PAWR: variants seen among roughly 807,000 people sequenced by gnomAD.
PAWR encodes the protein PRKC apoptosis WT1 regulator protein.
PAWR carries 23 observed loss-of-function variants against 32.0 expected under a neutral mutation model. That is an observed-to-expected ratio of 0.72 (90% CI 0.52 to 1.02). The LOEUF (loss-of-function observed/expected upper bound fraction) is 1.02, where lower values mean the gene tolerates loss of function less well. Among genes scored for constraint, PAWR ranks in the 50% least tolerant of loss-of-function variants. The pLI is 0.00. For synonymous variants in PAWR, 226 were observed against 187.1 expected (o/e 1.21, Z -1.70); for missense variants, 457 against 437.7 (o/e 1.04, Z -0.39).
At chr12:79,607,740 A>AT (rs1555234254) in intron 4 of PAWR, among the ~76,000 whole-genome samples, 53 of 145,838 alleles carry the variant, frequency 3.6e-4, no homozygotes, top group African/African-American at 1.3e-3. Flanking sequence ...AAAAAAAAAA[A>AT]AAAAATAATA....
intron 5 of PAWR, among the ~76,000 whole-genome samples, chr12:79,594,725 G>A (rs1298708118): frequency 2.1e-5 from 3 of 146,136 alleles, no homozygotes; most frequent in Admixed American, 6.7e-5. Context: ...GTGTGTGTGT[G>A]TGTATGTATG....
At chr12:79,639,113 A>G (rs1876155033) in intron 2 of PAWR, among the ~76,000 whole-genome samples, 3 of 149,854 alleles carry the variant, frequency 2.0e-5, no homozygotes, top group African/African-American at 7.4e-5. Context: ...GGGTTTCACC[A>G]TGTTGGTCAG....
chr12:79,594,840 C>T (rs1873689406), intron 5 of PAWR, among the ~76,000 whole-genome samples: 1 of 152,046 alleles, frequency 6.6e-6, no homozygotes, highest in Non-Finnish European at 1.5e-5. Flanking sequence ...CCTCAGCCTC[C>T]CAAGTAGCTG....
intron 4 of PAWR, among the ~76,000 whole-genome samples, chr12:79,607,258 T>C (rs1375193048): frequency 6.6e-6 from 1 of 151,974 alleles, no homozygotes; most frequent in Non-Finnish European, 1.5e-5. Flanking sequence ...ACCCCATCTC[T>C]AGCCTGGGTG....
rs1057222614 is a variant in PAWR, at chr12:79,588,662, G to A, written c.*3945C>T. On this transcript the variant is annotated 3_prime_UTR_variant, in exon 7 of 7. Coordinates refer to ENST00000328827, the MANE Select transcript of PAWR (RefSeq NM_002583.4). ...ACTACTAGATGGAAAGTTGGTCCAT[G>A]TCCATTTATTTAAAGATTCTGTAAC... The A allele has an allele frequency of 6.6e-6, 1 of 151,880 alleles. No homozygotes were observed. The highest frequency in any genetic ancestry group is 2.4e-5 in the African/African-American group (1 of 41,402). 9.4% of individuals were successfully genotyped at this position (151,880 alleles called of 1,614,324 possible).
At chr12:79,651,975 C>G (rs1219808237) in intron 2 of PAWR, among the ~76,000 whole-genome samples, 5 of 152,120 alleles carry the variant, frequency 3.3e-5, no homozygotes, top group South Asian at 2.1e-4. Context: ...AGACATTATG[C>G]TAGAGGAAAT....
chr12:79,676,286 C>T (rs1878162219), intron 2 of PAWR, among the ~76,000 whole-genome samples: 1 of 152,044 alleles, frequency 6.6e-6, no homozygotes, highest in African/African-American at 2.4e-5. Flanking sequence ...AATACAAATA[C>T]CTTTCTTCAC....
chr12:79,618,789 T>C (rs1267947047), intron 3 of PAWR, among the ~76,000 whole-genome samples: 1 of 152,008 alleles, frequency 6.6e-6, no homozygotes, highest in Non-Finnish European at 1.5e-5. Context: ...TCCACACAAA[T>C]ATAAACGTCA....
At chr12:79,674,126 G>A (rs1400431054) in intron 2 of PAWR, among the ~76,000 whole-genome samples, 1 of 152,204 alleles carries the variant, frequency 6.6e-6, no homozygotes, top group East Asian at 1.9e-4. Context: ...AACAAAGCTG[G>A]AGGCATCACA....
chr12:79,630,225 C>T (rs1030149239), intron 2 of PAWR, among the ~76,000 whole-genome samples: 16 of 151,676 alleles, frequency 1.1e-4, no homozygotes, highest in African/African-American at 3.9e-4. Flanking sequence ...CAGAAAATCA[C>T]TATTATAAGT....
Position 79,671,636 on chromosome 12 carries a change from C to T in PAWR, c.516+18093G>A, listed in dbSNP as rs116665248. ...TGTTAATTGTTTAGTTTCCTCGATACGAGGGATATAAAGACAAATAGTTCA... is the reference window on the plus strand; with the variant it reads ...TGTTAATTGTTTAGTTTCCTCGATATGAGGGATATAAAGACAAATAGTTCA... On this transcript the variant is annotated intron_variant, in intron 2 of 6. Transcript: ENST00000328827. Among the ~76,000 whole-genome samples the T allele has an allele frequency of 6.6e-3, 1,007 of 151,526 alleles. 13 individuals carry two copies. Among genetic ancestry groups the T allele is most frequent in the African/African-American group, 0.02 (819 of 41,428 alleles).
chr12:79,627,531 T>G (rs1177780874), intron 2 of PAWR, among the ~76,000 whole-genome samples: 1 of 152,152 alleles, frequency 6.6e-6, no homozygotes, highest in Non-Finnish European at 1.5e-5. Flanking sequence ...TTTCTCCCAT[T>G]CTGTAGGTTG....
intron 5 of PAWR, 82 bp downstream of exon 5, chr12:79,596,429 C>A: frequency 3.0e-6 from 2 of 674,910 alleles, no homozygotes; most frequent in East Asian, 2.9e-5. Context: ...ATATTATTTC[C>A]TTTCTCACTC....
chr12:79,690,267 C>G lies in PAWR; in HGVS notation c.-23G>C. 6.8e-7 allele frequency: 1 copy of G among 1,478,606 alleles called. No homozygotes were observed. Among genetic ancestry groups the G allele is most frequent in the Non-Finnish European group, 8.9e-7 (1 of 1,118,960 alleles). 91.6% of individuals were successfully genotyped at this position (1,478,606 alleles called of 1,614,324 possible). The stretch of plus-strand genomic sequence containing the variant: ...CATATTCCCAAAGGGGCCGGTCGGG[C>G]TCTCACCTCAGGCCGCCCACCAGGG... On this transcript the variant is annotated 5_prime_UTR_variant, in exon 2 of 7. Coordinates refer to ENST00000328827, the MANE Select transcript of PAWR (RefSeq NM_002583.4).
intron 2 of PAWR, among the ~76,000 whole-genome samples, chr12:79,669,316 T>C (rs532264290): frequency 3.7e-4 from 56 of 152,336 alleles, no homozygotes; most frequent in African/African-American, 1.2e-3. Context: ...GAACTTTCCC[T>C]GCATGGAGGG....
In PAWR at chr12:79,690,193, C is replaced by G. The variant is rs746437074; in HGVS notation, c.52G>C (p.Asp18His). Residue 18 changes from aspartate to histidine, a missense_variant, in exon 2 of 7, where the codon GAC (aspartate) becomes CAC (histidine). By Grantham distance (81) the Asp-to-His change is moderately conservative. Coordinates refer to ENST00000328827, the MANE Select transcript of PAWR (RefSeq NM_002583.4). ...TSSGLGGSTT[D>H]FLEEWKAKRE... ...TTCGCCTTCCACTCCTCCAGGAAGTCTGTGGTGCTGCCGCCGAGGCCGCTG... is the reference window on the plus strand; with the variant it reads ...TTCGCCTTCCACTCCTCCAGGAAGTGTGTGGTGCTGCCGCCGAGGCCGCTG... 14 of 1,532,996 alleles carry G rather than the reference C, an allele frequency of 9.1e-6. No individual in the cohort carries two copies. In the South Asian group the frequency reaches 1.5e-4, roughly 17 times the overall value. 95.0% of individuals were successfully genotyped at this position (1,532,996 alleles called of 1,614,324 possible). A position where few individuals can be genotyped will look rare whatever the true frequency, so the allele number is the denominator to read the frequency against.
intron 3 of PAWR, among the ~76,000 whole-genome samples, chr12:79,619,968 CGTATAAACAA>C (rs1202826060): frequency 1.3e-5 from 2 of 152,080 alleles, no homozygotes; most frequent in African/African-American, 4.8e-5. Context: ...GAACTTCTAA[CGTATAAACAA>C]GTATAACAGC....
chr12:79,652,887 C>A (rs193134109), intron 2 of PAWR, among the ~76,000 whole-genome samples: 1 of 152,258 alleles, frequency 6.6e-6, no homozygotes, highest in East Asian at 1.9e-4. Flanking sequence ...TATAGAACTT[C>A]AATTCAATTA....
chr12:79,671,059 CAGG>C (rs1490249906), intron 2 of PAWR, among the ~76,000 whole-genome samples: 1 of 142,564 alleles, frequency 7.0e-6, no homozygotes, highest in Non-Finnish European at 1.5e-5. Context: ...GAGGCTGAGG[CAGG>C]AGAATTGCTT....
Sources: allele counts gnomAD v4.1 joint callset (sites outside exome capture counted in the v4.1 genomes callset), GRCh38; gene constraint gnomAD v4.1.1; transcripts MANE v1.5; gene names NCBI Gene and HGNC (gene_info 2026-07-23, HGNC 2026-07-21).